The following FMOD variants were observed in gnomAD, a reference collection of about 807,000 sequenced individuals.
The protein encoded by FMOD is KSPG fibromodulin.
A neutral mutation model predicts 27.0 loss-of-function variants in FMOD; 15 were observed. That is an observed-to-expected ratio of 0.55 (90% confidence interval 0.37 to 0.85). The LOEUF (loss-of-function observed/expected upper bound fraction) is 0.85, where lower values mean the gene tolerates loss of function less well. Ranked by LOEUF, FMOD falls within the 40% of genes least tolerant of loss-of-function variation. FMOD has a pLI of 0.00. For synonymous variants in FMOD, 210 were observed against 214.0 expected, an observed-to-expected ratio of 0.98 and a Z score of 0.16; for missense variants, 460 against 483.2, an observed-to-expected ratio of 0.95 and a Z score of 0.45.
Position 203,348,054 on chromosome 1 carries a change from G to C in FMOD, c.217C>G (p.Pro73Ala). The C allele has an allele frequency of 6.2e-7, 1 of 1,613,754 alleles. No individual in the cohort carries two copies. Among genetic ancestry groups the C allele is most frequent in the Non-Finnish European group, 8.5e-7 (1 of 1,179,782 alleles). The change falls in exon 2 of 3, where the codon CCC becomes GCC. Residue 73 changes from proline (P) to alanine (A), a missense_variant. Physicochemically the swap from Pro to Ala is conservative, Grantham distance 27 (BLOSUM62 -1). Transcript: ENST00000354955. Reference sequence around the variant, plus strand: ...TCGCACTCCTGGGGGCAGTCGCGGGGATCTGGAGGGGATGGAGAGCCGTAG... The same window carrying C: ...TCGCACTCCTGGGGGCAGTCGCGGGCATCTGGAGGGGATGGAGAGCCGTAG... ...YTYGSPSPPDPRDCPQECDCP... is the reference protein window; with the variant it reads ...YTYGSPSPPDARDCPQECDCP...
At position 203,347,398 on chromosome 1, in the gene FMOD, A is replaced by G. The variant is rs1658906733; in HGVS notation, c.873T>C (p.Asn291=). 1.2e-6 allele frequency: 2 copies of G among 1,614,136 alleles called. No individual in the cohort carries two copies. The highest frequency in any genetic ancestry group is 8.5e-7 in the Non-Finnish European group (1 of 1,180,014). Residue 291 remains asparagine (N), a synonymous_variant, in exon 2 of 3, where the codon AAT becomes AAC. Coordinates refer to ENST00000354955, the MANE Select transcript of FMOD (RefSeq NM_002023.5). ...TNNGLASNTF[N]SSSLLELDLS... ...GGTCTAGCTCAAGGAGGCTGCTGGA[A>G]TTGAAGGTGTTGGAGGCCAGGCCAT...
chr1:203,347,421 C>T lies in FMOD; in HGVS notation c.850G>A (p.Gly284Ser). 6.2e-7 allele frequency: 1 copy of T among 1,614,146 alleles called. No individual in the cohort carries two copies. The highest frequency in any genetic ancestry group is 8.5e-7 in the Non-Finnish European group (1 of 1,180,032). ...RLSHNSLTNN[G>S]LASNTFNSSS... ...GAATTGAAGGTGTTGGAGGCCAGGCCATTGTTGGTTAGACTGTTGTGGGAC... is the reference window on the plus strand; with the variant it reads ...GAATTGAAGGTGTTGGAGGCCAGGCTATTGTTGGTTAGACTGTTGTGGGAC... Residue 284 changes from glycine to serine, a missense_variant, in exon 2 of 3, where the codon GGC (glycine) becomes AGC (serine). Gly to Ser is a moderately conservative substitution (Grantham distance 56). Transcript: ENST00000354955.
At chr1:203,344,970 G>T (rs1486591722) in intron 2 of FMOD, among the ~76,000 whole-genome samples, 2 of 152,104 alleles carry the variant, frequency 1.3e-5, no homozygotes, top group African/African-American at 4.8e-5. Context: ...AACAAAAACT[G>T]CCTGTCAACT....
chr1:203,345,974 A>AT (rs1180756357), intron 2 of FMOD, among the ~76,000 whole-genome samples: 3 of 151,820 alleles, frequency 2.0e-5, no homozygotes, highest in Non-Finnish European at 2.9e-5. Context: ...AGAAAGAGAG[A>AT]TTTTAATAAA....
Position 203,347,314 on chromosome 1 carries a change from G to A in FMOD, c.957C>T (p.Tyr319=), listed in dbSNP as rs1256192955. The part of the protein sequence containing the change: ...PPVNTNLENL[Y]LQGNRINEFS... Reference sequence around the variant, plus strand: ...CACCATTGATCCTATTGCCTTGGAGGTAGAGGTTCTCCAGGTTGGTGTTGA... The same window carrying A: ...CACCATTGATCCTATTGCCTTGGAGATAGAGGTTCTCCAGGTTGGTGTTGA... Residue 319 remains tyrosine, a synonymous_variant, in exon 2 of 3, where the codon TAC becomes TAT. Coordinates refer to ENST00000354955, the MANE Select transcript of FMOD (RefSeq NM_002023.5). 10 of 1,612,918 alleles carry A rather than the reference G, an allele frequency of 6.2e-6. No homozygotes were observed. The East Asian group carries it at 1.6e-4, about 25-fold the overall frequency.
intron 1 of FMOD, 135 bp from the exon 2 acceptor site, chr1:203,348,412 C>T: frequency 3.3e-6 from 3 of 922,322 alleles, no homozygotes; most frequent in Non-Finnish European, 4.8e-6. Context: ...GAGCAGGAGC[C>T]TTGCTCTCAT....
At chr1:203,343,015 T>C (rs1558191884) in intron 2 of FMOD, among the ~76,000 whole-genome samples, 1 of 152,052 alleles carries the variant, frequency 6.6e-6, no homozygotes, top group Non-Finnish European at 1.5e-5. Flanking sequence ...GAGAGACAAG[T>C]GTCTTTGTGT....
At chr1:203,349,882 C>T (rs1426702371) in intron 1 of FMOD, among the ~76,000 whole-genome samples, 2 of 152,244 alleles carry the variant, frequency 1.3e-5, no homozygotes, top group Non-Finnish European at 2.9e-5. Context: ...CATCCACAGG[C>T]AGCCTCAGGC....
chr1:203,350,146 C>T (rs573955320), intron 1 of FMOD, among the ~76,000 whole-genome samples: 1 of 152,318 alleles, frequency 6.6e-6, no homozygotes, highest in African/African-American at 2.4e-5. Flanking sequence ...GCCACCTTCC[C>T]CTTCAGACTC....
At position 203,348,142 on chromosome 1, in the gene FMOD, G is replaced by T. The variant is rs750413007; in HGVS notation, c.129C>A (p.Asp43Glu). 4.3e-6 allele frequency: 7 copies of T among 1,614,212 alleles called. No individual in the cohort carries two copies. The highest frequency in any genetic ancestry group is 5.9e-6 in the Non-Finnish European group (7 of 1,180,032). Residue 43 changes from aspartate to glutamate, a missense_variant, in exon 2 of 3, where the codon GAC (aspartate) becomes GAA (glutamate). Physicochemically the swap from Asp to Glu is conservative, Grantham distance 45. Transcript: ENST00000354955. ...GCTCGTAGGTCTCATACGGGTAAGGGTCATAGGGATCGTAGTAGGTGGACT... is the reference window on the plus strand; with the variant it reads ...GCTCGTAGGTCTCATACGGGTAAGGTTCATAGGGATCGTAGTAGGTGGACT... Reference protein sequence around the residue: ...SQQSTYYDPYDPYPYETYEPY... With the variant: ...SQQSTYYDPYEPYPYETYEPY...
intron 1 of FMOD, among the ~76,000 whole-genome samples, chr1:203,349,199 A>C (rs964654641): frequency 6.6e-6 from 1 of 152,248 alleles, no homozygotes; most frequent in Non-Finnish European, 1.5e-5. Flanking sequence ...TGTGGGGCCA[A>C]GAGAAATGAA....
chr1:203,348,408 G>A lies in FMOD; in HGVS notation c.-7-131C>T, dbSNP rs12072017. The A allele has an allele frequency of 2.3e-3, 2,162 of 947,588 alleles. 30 individuals are homozygous for A. In the African/African-American group the frequency reaches 0.032, roughly 14 times the overall value. 58.7% of individuals were successfully genotyped at this position (947,588 alleles called of 1,614,324 possible). On this transcript the variant is annotated intron_variant, in intron 1 of 2. Coordinates refer to ENST00000354955, the MANE Select transcript of FMOD (RefSeq NM_002023.5). ...TTCCATGTCAAACATCTGAGAGCAG[G>A]AGCCTTGCTCTCATTTCTTCGGTGC...
chr1:203,349,163 C>T (rs944635984), intron 1 of FMOD, among the ~76,000 whole-genome samples: 1 of 152,204 alleles, frequency 6.6e-6, no homozygotes, highest in African/African-American at 2.4e-5. Flanking sequence ...TCCTCATGCT[C>T]CACCATGGGC....
intron 1 of FMOD, among the ~76,000 whole-genome samples, chr1:203,350,082 G>A (rs758625008): frequency 6.6e-6 from 1 of 152,228 alleles, no homozygotes; most frequent in Non-Finnish European, 1.5e-5. Context: ...CTGGCACAGT[G>A]AGCCTCTGTC....
In FMOD at chr1:203,347,969, G is replaced by C. The variant is rs773346947; in HGVS notation, c.302C>G (p.Pro101Arg). The C allele has an allele frequency of 1.2e-6, 2 of 1,605,522 alleles. No individual in the cohort carries two copies. Among genetic ancestry groups the C allele is most frequent in the Middle Eastern group, 1.7e-4 (1 of 6,036 alleles). The part of the protein sequence containing the change: ...YCDNRNLKYL[P>R]FVPSRMKYVY... ...ATACTTCATGCGGGAGGGAACGAAG[G>C]GCAGGTACTTGAGGTTGCGATTGTC... Residue 101 changes from proline (P) to arginine (R), a missense_variant, in exon 2 of 3, where the codon CCC (proline) becomes CGC (arginine). Coordinates refer to ENST00000354955, the MANE Select transcript of FMOD (RefSeq NM_002023.5).
chr1:203,347,266 C>A, intron 2 of FMOD, 26 bp downstream of exon 2: 1 of 1,575,524 alleles, frequency 6.3e-7, no homozygotes, highest in South Asian at 1.2e-5. Context: ...ACAGCCAGTC[C>A]CCGCCTCCCT....
chr1:203,342,609 G>A, intron 2 of FMOD, 115 bp from the exon 3 acceptor site: 1 of 1,000,548 alleles, frequency 1.0e-6, no homozygotes, highest in East Asian at 2.6e-5. Context: ...AGTTGGGGAT[G>A]GAGGGCAGAT....
intron 2 of FMOD, among the ~76,000 whole-genome samples, chr1:203,344,378 T>C (rs1191341875): frequency 6.6e-6 from 1 of 152,178 alleles, no homozygotes; most frequent in African/African-American, 2.4e-5. Context: ...TCTAGCCACA[T>C]ACTGGGTACT....
Position 203,342,144 on chromosome 1 carries a change from G to T in FMOD, c.*199C>A. The T allele has an allele frequency of 1.8e-6, 1 of 547,294 alleles. No individual in the cohort carries two copies. Among genetic ancestry groups the T allele is most frequent in the Non-Finnish European group, 3.1e-6 (1 of 317,594 alleles). The allele number at this position is 547,294 out of a possible 1,614,324, so 33.9% of individuals were successfully genotyped here. On this transcript the variant is annotated 3_prime_UTR_variant, in exon 3 of 3. Transcript: ENST00000354955. ...CACTTCTGTCCCTGGAAAAGAGTGA[G>T]CTTCTGCCTATGTCCTCAGCAGAAG... is the stretch of plus-strand genomic sequence containing the variant.
Sources: gnomAD v4.1 joint callset for allele counts (sites outside exome capture counted in the v4.1 genomes callset) on GRCh38, gnomAD v4.1.1 for gene constraint, MANE v1.5 for transcripts, NCBI Gene and HGNC (gene_info 2026-07-23, HGNC 2026-07-21) for gene names.